KAT6A: variants seen among roughly 807,000 people sequenced by gnomAD.
The protein encoded by KAT6A is lysine acetyltransferase 6A, also known as histone acetyltransferase KAT6A.
A neutral mutation model predicts 198.4 loss-of-function variants in KAT6A; 9 were observed. That is an observed-to-expected ratio of 0.05 (90% CI 0.03 to 0.08). The LOEUF (loss-of-function observed/expected upper bound fraction) is 0.08, where lower values mean the gene tolerates loss of function less well. KAT6A is among the 10% of genes least tolerant of loss of function. The pLI is 1.00. For missense variants in KAT6A, 2,077 were observed against 2,509.9 expected (o/e 0.83, Z 3.69); for synonymous variants, 890 against 883.0 (o/e 1.01, Z -0.14).
chr8:41,946,719 G>A (rs1294827081), intron 11 of KAT6A, 35 bp from the exon 12 acceptor site: 1 of 1,241,194 alleles, frequency 8.1e-7, no homozygotes, highest in Non-Finnish European at 1.2e-6. Context: ...TTTGAAAACA[G>A]GCTGGTAAAA....
Position 41,940,907 on chromosome 8 carries a change from C to T in KAT6A, c.2974G>A (p.Glu992Lys). 6.2e-7 allele frequency: 1 copy of T among 1,614,144 alleles called. No individual in the cohort carries two copies. The highest frequency in any genetic ancestry group is 8.5e-7 in the Non-Finnish European group (1 of 1,180,014). The part of the protein sequence containing the change: ...RGFSESSEEE[E>K]EPESPRSSSP... ...CTTGACCGAGGGCTTTCCGGCTCCTCCTCCTCCTCGCTGCTCTCACTGAAG... is the reference window on the plus strand; with the variant it reads ...CTTGACCGAGGGCTTTCCGGCTCCTTCTCCTCCTCGCTGCTCTCACTGAAG... Residue 992 changes from glutamate to lysine, a missense_variant, in exon 15 of 17, where the codon GAG becomes AAG. Glu to Lys is a moderately conservative substitution (Grantham distance 56). Coordinates refer to ENST00000265713, the MANE Select transcript of KAT6A (RefSeq NM_006766.5).
rs568223536 is a variant in KAT6A, at chr8:41,932,907, A to G, written c.5313T>C (p.Tyr1771=). ...AGGAAGTCACAGCAGGAGAATGGCTATAAGGCATGGCATGAGGGTCCATAA... is the reference window on the plus strand; with the variant it reads ...AGGAAGTCACAGCAGGAGAATGGCTGTAAGGCATGGCATGAGGGTCCATAA... ...NTIMDPHAMP[Y]SHSPAVTSYA... is the part of the protein sequence containing the mutation. Residue 1771 remains tyrosine (Y), a synonymous_variant, in exon 17 of 17, where the codon TAT becomes TAC. Coordinates refer to ENST00000265713, the MANE Select transcript of KAT6A (RefSeq NM_006766.5). The G allele has an allele frequency of 3.2e-5, 51 of 1,614,056 alleles. No homozygotes were observed. The highest frequency in any genetic ancestry group is 4.1e-5 in the Non-Finnish European group (48 of 1,180,036).
At chr8:42,035,905 C>T (rs1159029317) in intron 2 of KAT6A, among the ~76,000 whole-genome samples, 4 of 152,038 alleles carry the variant, frequency 2.6e-5, no homozygotes, top group South Asian at 4.2e-4. Flanking sequence ...AAAAAGTGAG[C>T]GAGAAAGATG....
chr8:41,953,675 T>C (rs1442433086), intron 9 of KAT6A, among the ~76,000 whole-genome samples: 1 of 152,164 alleles, frequency 6.6e-6, no homozygotes, highest in Non-Finnish European at 1.5e-5. Flanking sequence ...GGTTTCGCCA[T>C]GTTGGCCAGG....
intron 2 of KAT6A, among the ~76,000 whole-genome samples, chr8:42,044,068 C>T (rs1456064116): frequency 6.7e-6 from 1 of 149,450 alleles, no homozygotes; most frequent in East Asian, 1.9e-4. Context: ...AAAGTTAGCT[C>T]AAAAATTTCC....
rs1282154158 is a variant in KAT6A, at chr8:41,934,403, C to T, written c.3817G>A (p.Glu1273Lys). 6.2e-7 allele frequency: 1 copy of T among 1,612,960 alleles called. No homozygotes were observed. The highest frequency in any genetic ancestry group is 8.5e-7 in the Non-Finnish European group (1 of 1,179,422). The change falls in exon 17 of 17, where the codon GAA becomes AAA. Residue 1273 changes from glutamate (E) to lysine (K), a missense_variant. Around this residue, in one of 13 missense-constraint regions of KAT6A, gnomAD observed 375 missense variants for 383.0 expected, o/e 0.98. Transcript: ENST00000265713. ...TETKEPEVEE[E>K]EEKPRVSEEQ... ...TCTGAGACACGGGGCTTCTCTTCTT[C>T]CTCCTCCACCTCAGGCTCCTTGGTT...
At chr8:41,949,160 G>T in intron 10 of KAT6A, 62 bp downstream of exon 10, 2 of 1,098,450 alleles carry the variant, frequency 1.8e-6, no homozygotes, top group Non-Finnish European at 1.3e-6. Flanking sequence ...CACAATAGAT[G>T]CAATATAGGT....
chr8:42,037,837 A>G (rs540891994), intron 2 of KAT6A, among the ~76,000 whole-genome samples: 4 of 152,120 alleles, frequency 2.6e-5, no homozygotes, highest in African/African-American at 9.7e-5. Context: ...ATCCTAATGT[A>G]CTTGCTAAGT....
At chr8:41,961,751 CAAAAAAA>C (rs913470847) in intron 8 of KAT6A, among the ~76,000 whole-genome samples, 6 of 46,522 alleles carry the variant, frequency 1.3e-4, no homozygotes, top group Non-Finnish European at 1.8e-4. Context: ...GACTCCATCT[CAAAAAAA>C]AAAAAAAAAA....
chr8:41,937,716 T>C lies in KAT6A; in HGVS notation c.3040-148A>G, dbSNP rs981643627. On this transcript the variant is annotated intron_variant, in intron 15 of 16. Coordinates refer to ENST00000265713, the MANE Select transcript of KAT6A (RefSeq NM_006766.5). ...AAATATTTTGAATATTATTTCAAAA[T>C]ACTATAGTAAGATAATACACTTATT... 6.4e-6 allele frequency: 4 copies of C among 627,002 alleles called. No homozygotes were observed. In the African/African-American group the frequency reaches 7.4e-5, roughly 12 times the overall value. The allele number at this position is 627,002 out of a possible 1,614,324, so 38.8% of individuals were successfully genotyped here. A position where few individuals can be genotyped will look rare whatever the true frequency, so the allele number is the denominator to read the frequency against.
intron 2 of KAT6A, among the ~76,000 whole-genome samples, chr8:42,026,878 T>TTA (rs1171224738): frequency 3.9e-5 from 6 of 152,250 alleles, no homozygotes; most frequent in African/African-American, 1.4e-4. Flanking sequence ...TTTTCCCCAC[T>TTA]TAGTATAACG....
rs1373819818 is a variant in KAT6A, at chr8:42,009,913, A to AC, written c.601-22351_601-22350insG. 1.4e-3 allele frequency among the ~76,000 whole-genome samples: 188 copies of AC among 136,654 alleles called. 4 individuals are homozygous for AC. The East Asian group carries it at 0.036, about 26-fold the overall frequency. The allele number at this position is 136,654 out of a possible 152,430, so 89.7% of individuals were successfully genotyped here. A position where few individuals can be genotyped will look rare whatever the true frequency, so the allele number is the denominator to read the frequency against. On this transcript the variant is annotated intron_variant, in intron 2 of 16. Transcript: ENST00000265713. ...CTGTCTCAAAAAAAAAAAAAAAAAA[A>AC]ACAAAAAAAAACAAAACCACAATCC...
intron 1 of KAT6A, among the ~76,000 whole-genome samples, chr8:42,051,675 C>G (rs1412429991): frequency 6.9e-6 from 1 of 145,308 alleles, no homozygotes; most frequent in East Asian, 2.0e-4. Flanking sequence ...CCGGGGCAGC[C>G]GGGCGCCGAA....
At chr8:42,018,649 G>A (rs887107992) in intron 2 of KAT6A, among the ~76,000 whole-genome samples, 1 of 152,152 alleles carries the variant, frequency 6.6e-6, no homozygotes, top group African/African-American at 2.4e-5. Context: ...CAGGCTGGGC[G>A]AGGTGGCTCA....
intron 2 of KAT6A, among the ~76,000 whole-genome samples, chr8:42,039,902 A>ATT (rs56756690): frequency 5.7e-4 from 82 of 144,464 alleles, no homozygotes; most frequent in African/African-American, 1.5e-3. Flanking sequence ...CCTGGCTAAT[A>ATT]TTTTTTTTTT....
chr8:42,042,283 C>G (rs1252492421), intron 2 of KAT6A, among the ~76,000 whole-genome samples: 2 of 151,950 alleles, frequency 1.3e-5, no homozygotes, highest in African/African-American at 4.8e-5. Context: ...CTGGTGAAAC[C>G]CCATCTCTAC....
chr8:41,962,175 T>C (rs1236961304), intron 8 of KAT6A, among the ~76,000 whole-genome samples: 1 of 152,156 alleles, frequency 6.6e-6, no homozygotes, highest in Non-Finnish European at 1.5e-5. Context: ...CTCAAAGTTC[T>C]TCTCTTCTCC....
Position 42,051,911 on chromosome 8 carries a change from G to A in KAT6A, c.-336C>T, listed in dbSNP as rs1241108512. On this transcript the variant is annotated 5_prime_UTR_variant, in exon 1 of 17. Transcript: ENST00000265713. ...CCCTCGGCTACTTACCGGGAGGAAG[G>A]ACAGCCGAGATCCCGGGGCCCCGGG... 3 of 151,236 alleles carry A rather than the reference G, an allele frequency of 2.0e-5. No individual in the cohort carries two copies. The highest frequency in any genetic ancestry group is 4.8e-5 in the African/African-American group (2 of 41,270). The allele number at this position is 151,236 out of a possible 1,614,324, so 9.4% of individuals were successfully genotyped here.
chr8:41,974,589 A>G, intron 8 of KAT6A, 115 bp downstream of exon 8: 1 of 658,766 alleles, frequency 1.5e-6, no homozygotes, highest in Admixed American at 2.4e-5. Flanking sequence ...ACAAACCACA[A>G]CTATTCTGAG....
Sources: allele counts gnomAD v4.1 joint callset (sites outside exome capture counted in the v4.1 genomes callset), GRCh38; gene constraint gnomAD v4.1.1; regional missense constraint gnomAD v4.1.1; transcripts MANE v1.5; gene names NCBI Gene and HGNC (gene_info 2026-07-23, HGNC 2026-07-21).